The following CCDC85A variants were observed in gnomAD, a reference collection of about 807,000 sequenced individuals.
The protein encoded by CCDC85A is coiled-coil domain-containing protein 85A.
Under a neutral mutation model 50.2 loss-of-function variants are expected in CCDC85A, and 38 were observed. The ratio of observed to expected loss-of-function variants is 0.76; its 90% CI spans 0.58 to 0.99. CCDC85A has a LOEUF of 0.99. Among genes scored for constraint, CCDC85A ranks in the 50% least tolerant of loss-of-function variants. The pLI is 0.00. For missense variants in CCDC85A, 820 were observed against 742.0 expected, an observed-to-expected ratio of 1.11 and a Z score of -1.22; for synonymous variants, 366 against 301.4, an observed-to-expected ratio of 1.21 and a Z score of -2.22.
At chr2:56,293,937 C>T (rs1308920186) in intron 2 of CCDC85A, among the ~76,000 whole-genome samples, 3 of 152,162 alleles carry the variant, frequency 2.0e-5, no homozygotes, top group Non-Finnish European at 4.4e-5. Flanking sequence ...CCATTTGACC[C>T]AGCAATCCCA....
At chr2:56,224,025 A>G (rs559134565) in intron 2 of CCDC85A, among the ~76,000 whole-genome samples, 4 of 152,316 alleles carry the variant, frequency 2.6e-5, no homozygotes, top group African/African-American at 9.6e-5. Flanking sequence ...GTGTATATTC[A>G]GAGTTGTACA....
chr2:56,329,957 T>G (rs962377468), intron 2 of CCDC85A, among the ~76,000 whole-genome samples: 17 of 93,922 alleles, frequency 1.8e-4, no homozygotes, highest in Non-Finnish European at 3.0e-4. Flanking sequence ...TTTTTTTTTT[T>G]TTTTTTTTTT....
intron 3 of CCDC85A, among the ~76,000 whole-genome samples, chr2:56,369,319 G>T (rs1675960792): frequency 6.6e-6 from 1 of 152,088 alleles, no homozygotes; most frequent in Admixed American, 6.5e-5. Flanking sequence ...TAAATAAATA[G>T]ATGAGAACTA....
At chr2:56,318,127 A>C (rs925034196) in intron 2 of CCDC85A, among the ~76,000 whole-genome samples, 1 of 152,122 alleles carries the variant, frequency 6.6e-6, no homozygotes, top group African/African-American at 2.4e-5. Context: ...GAATCACATG[A>C]CCTTGATCAC....
At chr2:56,251,518 A>G (rs2103993626) in intron 2 of CCDC85A, among the ~76,000 whole-genome samples, 1 of 151,804 alleles carries the variant, frequency 6.6e-6, no homozygotes, top group East Asian at 2.0e-4. Flanking sequence ...CTCTATTAAT[A>G]AATATTGTTT....
intron 2 of CCDC85A, among the ~76,000 whole-genome samples, chr2:56,229,457 G>A (rs1441042009): frequency 6.6e-6 from 1 of 152,176 alleles, no homozygotes; most frequent in African/African-American, 2.4e-5. Context: ...CTGTGGGTCA[G>A]TGATTGCCCA....
intron 4 of CCDC85A, 63 bp downstream of exon 4, chr2:56,372,541 A>C: frequency 7.0e-7 from 1 of 1,421,076 alleles, no homozygotes; most frequent in East Asian, 2.7e-5. Context: ...TTCTGTTGCT[A>C]GAGAAAAAGT....
intron 2 of CCDC85A, among the ~76,000 whole-genome samples, chr2:56,264,321 C>T (rs902377558): frequency 6.6e-6 from 1 of 152,106 alleles, no homozygotes; most frequent in Non-Finnish European, 1.5e-5. Flanking sequence ...AATCAAGCTT[C>T]TAATATTCCC....
chr2:56,367,663 A>C (rs1396140090), intron 3 of CCDC85A, among the ~76,000 whole-genome samples: 5 of 152,210 alleles, frequency 3.3e-5, no homozygotes, highest in Non-Finnish European at 1.5e-5. Flanking sequence ...AAATGTCTGC[A>C]GGCATTTTTG....
intron 2 of CCDC85A, among the ~76,000 whole-genome samples, chr2:56,296,069 G>A (rs1671934570): frequency 6.6e-6 from 1 of 152,200 alleles, no homozygotes; most frequent in South Asian, 2.1e-4. Flanking sequence ...TCTACAGGCA[G>A]CAATTTTCCT....
chr2:56,258,001 G>A (rs796223562), intron 2 of CCDC85A, among the ~76,000 whole-genome samples: 1 of 152,146 alleles, frequency 6.6e-6, no homozygotes, highest in African/African-American at 2.4e-5. Flanking sequence ...TAATGGGTTT[G>A]GATTTATACT....
chr2:56,369,756 C>T (rs1050543892), intron 3 of CCDC85A, among the ~76,000 whole-genome samples: 1 of 151,992 alleles, frequency 6.6e-6, no homozygotes, highest in Non-Finnish European at 1.5e-5. Context: ...TTCGGATTTC[C>T]CATTTCCCCC....
chr2:56,248,603 A>G (rs1669615221), intron 2 of CCDC85A, among the ~76,000 whole-genome samples: 1 of 152,228 alleles, frequency 6.6e-6, no homozygotes, highest in African/African-American at 2.4e-5. Context: ...CCGACAAGGC[A>G]GAGGCTCAAC....
At chr2:56,275,538 T>G (rs1166781876) in intron 2 of CCDC85A, among the ~76,000 whole-genome samples, 2 of 152,154 alleles carry the variant, frequency 1.3e-5, no homozygotes, top group Non-Finnish European at 2.9e-5. Flanking sequence ...AATTTTCACT[T>G]TTTCGCTGTT....
chr2:56,218,863 T>C (rs1222860714), intron 2 of CCDC85A, among the ~76,000 whole-genome samples: 1 of 151,808 alleles, frequency 6.6e-6, no homozygotes, highest in Non-Finnish European at 1.5e-5. Flanking sequence ...TTTAACCTCT[T>C]GGGCAATGAA....
chr2:56,260,380 A>G (rs1192824772), intron 2 of CCDC85A, among the ~76,000 whole-genome samples: 1 of 152,216 alleles, frequency 6.6e-6, no homozygotes, highest in Non-Finnish European at 1.5e-5. Flanking sequence ...CTTTCCTTTG[A>G]TCAGTGTTCT....
At position 56,375,943 on chromosome 2, in the gene CCDC85A, A is replaced by G. The variant is rs367857111; in HGVS notation, c.1572+8A>G. 9.7e-5 allele frequency: 157 copies of G among 1,611,306 alleles called. No individual in the cohort carries two copies. The highest frequency in any genetic ancestry group is 6.6e-4 in the Middle Eastern group (4 of 6,074). ...GTGGTACATTCTCTTAAGGTAACCA[A>G]TCGTGTGCAACCATTTATCCAGAGC... is the stretch of plus-strand genomic sequence containing the variant. On this transcript the variant is annotated splice_region_variant and intron_variant, in intron 5 of 5. Coordinates refer to ENST00000407595, the MANE Select transcript of CCDC85A (RefSeq NM_001080433.2).
chr2:56,266,693 T>C (rs1670464401), intron 2 of CCDC85A, among the ~76,000 whole-genome samples: 1 of 151,022 alleles, frequency 6.6e-6, no homozygotes, highest in South Asian at 2.1e-4. Context: ...TAATTTTCAC[T>C]GAGAGTCTTA....
intron 2 of CCDC85A, among the ~76,000 whole-genome samples, chr2:56,269,193 A>G (rs1302734408): frequency 6.6e-5 from 10 of 152,208 alleles, no homozygotes. Context: ...AGCATCCTCC[A>G]CTAGGACCCA....
Sources: allele counts gnomAD v4.1 joint callset (sites outside exome capture counted in the v4.1 genomes callset), GRCh38; gene constraint gnomAD v4.1.1; transcripts MANE v1.5; gene names NCBI Gene and HGNC (gene_info 2026-07-23, HGNC 2026-07-21).